B3GALT2: variants seen among roughly 807,000 people sequenced by gnomAD.
The protein encoded by B3GALT2 is beta-1,3-galactosyltransferase 2.
In B3GALT2, 13 loss-of-function variants were observed where a neutral mutation model predicts 33.5. The observed-to-expected ratio is 0.39, with a 90% CI of 0.25 to 0.62. The LOEUF is 0.62. Among genes scored for constraint, B3GALT2 ranks in the 20% least tolerant of loss-of-function variants. The pLI is 0.53. For synonymous variants in B3GALT2, 195 were observed against 172.7 expected, an observed-to-expected ratio of 1.13 and a Z score of -1.01; for missense variants, 418 against 509.1, an observed-to-expected ratio of 0.82 and a Z score of 1.72.
Position 193,180,830 on chromosome 1 carries a change from T to G in B3GALT2, c.733A>C (p.Ile245Leu). ...MNWVATYCPH[I>L]PYVMKTDSDM... ...CTGTCAGTTTTCATAACATATGGAA[T>G]ATGTGGACAGTATGTTGCAACCCAG... Residue 245 changes from isoleucine to leucine, a missense_variant, in exon 2 of 2, where the codon ATT (isoleucine) becomes CTT (leucine). Transcript: ENST00000367434. The G allele has an allele frequency of 3.1e-6, 5 of 1,614,068 alleles. No individual in the cohort carries two copies. Among genetic ancestry groups the G allele is most frequent in the Non-Finnish European group, 4.2e-6 (5 of 1,179,954 alleles).
intron 1 of B3GALT2, among the ~76,000 whole-genome samples, chr1:193,182,206 T>C (rs1207200302): frequency 6.6e-6 from 1 of 152,150 alleles, no homozygotes; most frequent in African/African-American, 2.4e-5. Context: ...CTTGGCATGT[T>C]TCCATTGGCC....
At position 193,180,494 on chromosome 1, in the gene B3GALT2, G is replaced by T. The variant is rs1478218728; in HGVS notation, c.1069C>A (p.Pro357Thr). ...TTGAACACAAACTCATTGGGAGGGG[G>T]TACAGGATCAATTCTCAACTTGGCA... is the stretch of plus-strand genomic sequence containing the variant. The part of the protein sequence containing the change: ...CLAKLRIDPV[P>T]PPNEFVFNHW... Residue 357 changes from proline (P) to threonine (T), a missense_variant, in exon 2 of 2, where the codon CCC becomes ACC. Coordinates refer to ENST00000367434, the MANE Select transcript of B3GALT2 (RefSeq NM_003783.3). 1.2e-6 allele frequency: 2 copies of T among 1,613,850 alleles called. No individual in the cohort carries two copies. The highest frequency in any genetic ancestry group is 2.7e-5 in the African/African-American group (2 of 74,896).
chr1:193,181,002 T>G lies in B3GALT2; in HGVS notation c.561A>C (p.Arg187Ser). 6.2e-7 allele frequency: 1 copy of G among 1,613,690 alleles called. No individual in the cohort carries two copies. Among genetic ancestry groups the G allele is most frequent in the Non-Finnish European group, 8.5e-7 (1 of 1,179,968 alleles). ...ESLAPGIQIT[R>S]IFLLGLSIKL... ...TAATACTTAAGCCCAACAAAAATAT[T>G]CTTGTGATTTGAATACCAGGTGCTA... is the stretch of plus-strand genomic sequence containing the variant. The change falls in exon 2 of 2, where the codon AGA becomes AGC. Residue 187 changes from arginine to serine, a missense_variant. Arg to Ser is a moderately radical substitution (Grantham distance 110, BLOSUM62 -1). Transcript: ENST00000367434.
Position 193,180,682 on chromosome 1 carries a change from C to A in B3GALT2, c.881G>T (p.Ser294Ile). The change falls in exon 2 of 2, where the codon AGC becomes ATC. Residue 294 changes from serine (S) to isoleucine (I), a missense_variant. Ser to Ile is a moderately radical substitution (Grantham distance 142). This residue lies in a region of B3GALT2 where 226 missense variants were observed against 293.9 expected (regional missense o/e 0.77). Transcript: ENST00000367434. ...RGYAPNRNKD[S>I]KWYMPPDLYP... ...GAGGTCTGGTGGCATGTACCACTTG[C>A]TATCTTTGTTTCGATTGGGTGCATA... The A allele has an allele frequency of 6.2e-7, 1 of 1,614,002 alleles. No individual in the cohort carries two copies. The highest frequency in any genetic ancestry group is 8.5e-7 in the Non-Finnish European group (1 of 1,179,920).
rs1156762690 is a variant in B3GALT2, at chr1:193,178,786, A to C, written c.*1508T>G. The stretch of plus-strand genomic sequence containing the variant: ...AGGCTACTGATTTGAAATGGAGATA[A>C]GCACTTAAACAGTTTTAGTGTTTTC... On this transcript the variant is annotated 3_prime_UTR_variant, in exon 2 of 2. Coordinates refer to ENST00000367434, the MANE Select transcript of B3GALT2 (RefSeq NM_003783.3). 1.3e-5 allele frequency among the ~76,000 whole-genome samples: 2 copies of C among 152,192 alleles called. No homozygotes were observed. Among genetic ancestry groups the C allele is most frequent in the Non-Finnish European group, 2.9e-5 (2 of 68,014 alleles).
At position 193,181,610 on chromosome 1, in the gene B3GALT2, G is replaced by A. The variant is rs1676718192; in HGVS notation, c.-48C>T. ...ATATGAGAGATTGGTGACCAAAAAT[G>A]TTTTCTTCTCCTTAATACTATTCTT... On this transcript the variant is annotated 5_prime_UTR_variant, in exon 2 of 2. Transcript: ENST00000367434. The A allele has an allele frequency of 6.8e-7, 1 of 1,473,862 alleles. No homozygotes were observed. Among genetic ancestry groups the A allele is most frequent in the African/African-American group, 1.4e-5 (1 of 70,648 alleles). 91.3% of individuals were successfully genotyped at this position (1,473,862 alleles called of 1,614,324 possible).
At chr1:193,183,584 G>C (rs966772884) in intron 1 of B3GALT2, among the ~76,000 whole-genome samples, 1 of 150,890 alleles carries the variant, frequency 6.6e-6, no homozygotes, top group African/African-American at 2.4e-5. Context: ...TTTCCTTCTT[G>C]TACTTTTAAA....
Position 193,180,109 on chromosome 1 carries a change from A to C in B3GALT2, c.*185T>G, listed in dbSNP as rs564242127. ...TTTTTTAAATAGATTGTTTTGGGAA[A>C]CCTTTTTTGTTATATAATGTTATAG... On this transcript the variant is annotated 3_prime_UTR_variant, in exon 2 of 2. Coordinates refer to ENST00000367434, the MANE Select transcript of B3GALT2 (RefSeq NM_003783.3). 7 of 499,952 alleles carry C rather than the reference A, an allele frequency of 1.4e-5. No individual in the cohort carries two copies. In the African/African-American group the frequency reaches 1.4e-4, roughly 10 times the overall value. 31.0% of individuals were successfully genotyped at this position (499,952 alleles called of 1,614,324 possible).
At chr1:193,182,686 T>TAAGA (rs1422753900) in intron 1 of B3GALT2, among the ~76,000 whole-genome samples, 2 of 152,160 alleles carry the variant, frequency 1.3e-5, no homozygotes, top group African/African-American at 4.8e-5. Flanking sequence ...TGGCATATAT[T>TAAGA]AAGAACTGGT....
chr1:193,181,770 G>A (rs1303589624), intron 1 of B3GALT2, 88 bp from the exon 2 acceptor site: 1 of 450,248 alleles, frequency 2.2e-6, no homozygotes, highest in Non-Finnish European at 3.9e-6. Context: ...AATGTCTTAA[G>A]CTGTGAAAAT....
At chr1:193,183,423 A>G (rs114680813) in intron 1 of B3GALT2, among the ~76,000 whole-genome samples, 32 of 148,710 alleles carry the variant, frequency 2.2e-4, no homozygotes, top group Non-Finnish European at 1.2e-4. Flanking sequence ...ATCATCTAGT[A>G]TGCTATTTGT....
In B3GALT2 at chr1:193,181,323, C is replaced by G; in HGVS notation, c.240G>C (p.Arg80=). 1.2e-6 allele frequency: 2 copies of G among 1,613,996 alleles called. No homozygotes were observed. Among genetic ancestry groups the G allele is most frequent in the East Asian group, 2.2e-5 (1 of 44,878 alleles). The change falls in exon 2 of 2, where the codon CGG becomes CGC. Residue 80 remains arginine, a synonymous_variant. Coordinates refer to ENST00000367434, the MANE Select transcript of B3GALT2 (RefSeq NM_003783.3). ...GAGGGACTGTTTCTTTCCAAATGTT[C>G]CGAAGGGAGCTGTGGTTTGTCTCAC... ...TKSETNHSSL[R]NIWKETVPQT... is the part of the protein sequence containing the mutation.
chr1:193,181,050 C>T lies in B3GALT2; in HGVS notation c.513G>A (p.Arg171=). Residue 171 remains arginine, a synonymous_variant, in exon 2 of 2, where the codon CGG becomes CGA. Coordinates refer to ENST00000367434, the MANE Select transcript of B3GALT2 (RefSeq NM_003783.3). ...CTAGACTTTCATTGCCCCAAGTTTG[C>T]CGAATAGCTCTTCTAGCTTCTATTT... is the stretch of plus-strand genomic sequence containing the variant. ...PGQIEARRAI[R]QTWGNESLAP... is the part of the protein sequence containing the mutation. 5 of 1,613,824 alleles carry T rather than the reference C, an allele frequency of 3.1e-6. No individual in the cohort carries two copies. The highest frequency in any genetic ancestry group is 4.2e-6 in the Non-Finnish European group (5 of 1,179,946).
Position 193,181,402 on chromosome 1 carries a change from C to T in B3GALT2, c.161G>A (p.Gly54Glu). 1.2e-6 allele frequency: 2 copies of T among 1,613,954 alleles called. No individual in the cohort carries two copies. The highest frequency in any genetic ancestry group is 1.7e-6 in the Non-Finnish European group (2 of 1,179,896). ...GTATGTCACAGGGTTTTCTTTGAATCCAGCTCTGCCTGGCAGCCAGTCATG... is the reference window on the plus strand; with the variant it reads ...GTATGTCACAGGGTTTTCTTTGAATTCAGCTCTGCCTGGCAGCCAGTCATG... The part of the protein sequence containing the change: ...NHHDWLPGRA[G>E]FKENPVTYTF... The change falls in exon 2 of 2, where the codon GGA becomes GAA. Residue 54 changes from glycine to glutamate, a missense_variant. By Grantham distance (98) the Gly-to-Glu change is moderately conservative. Around this residue, in one of 3 missense-constraint regions of B3GALT2, gnomAD observed 188 missense variants for 197.5 expected, o/e 0.95. Coordinates refer to ENST00000367434, the MANE Select transcript of B3GALT2 (RefSeq NM_003783.3).
In B3GALT2 at chr1:193,179,162, G is replaced by A. The variant is rs903178686; in HGVS notation, c.*1132C>T. ...AGTTTTCCCCATCCCTCCCAAAAAG[G>A]TTTTTAATTGGTGATTCAGAATATT... On this transcript the variant is annotated 3_prime_UTR_variant, in exon 2 of 2. Coordinates refer to ENST00000367434, the MANE Select transcript of B3GALT2 (RefSeq NM_003783.3). The A allele has an allele frequency of 1.3e-5, 2 of 152,036 alleles. No homozygotes were observed. The highest frequency in any genetic ancestry group is 2.9e-5 in the Non-Finnish European group (2 of 67,994). 9.4% of individuals were successfully genotyped at this position (152,036 alleles called of 1,614,324 possible).
In B3GALT2 at chr1:193,179,473, A is replaced by G. The variant is rs1485320062; in HGVS notation, c.*821T>C. Reference sequence around the variant, plus strand: ...CGAAGTTAGATATACATGAAATTAAATGGTGGTGCTGTTTAAGAGTGCAGT... The same window carrying G: ...CGAAGTTAGATATACATGAAATTAAGTGGTGGTGCTGTTTAAGAGTGCAGT... On this transcript the variant is annotated 3_prime_UTR_variant, in exon 2 of 2. Coordinates refer to ENST00000367434, the MANE Select transcript of B3GALT2 (RefSeq NM_003783.3). The G allele has an allele frequency of 2.6e-5, 4 of 152,658 alleles. No individual in the cohort carries two copies. Among genetic ancestry groups the G allele is most frequent in the African/African-American group, 9.6e-5 (4 of 41,460 alleles). The allele number at this position is 152,658 out of a possible 1,614,324, so 9.5% of individuals were successfully genotyped here.
chr1:193,183,372 A>T (rs1676752001), intron 1 of B3GALT2, among the ~76,000 whole-genome samples: 1 of 150,074 alleles, frequency 6.7e-6, no homozygotes, highest in Non-Finnish European at 1.5e-5. Context: ...GCATTTTGAA[A>T]GATGTGAACA....
intron 1 of B3GALT2, among the ~76,000 whole-genome samples, chr1:193,182,955 A>G (rs1676742588): frequency 6.6e-6 from 1 of 152,188 alleles, no homozygotes; most frequent in South Asian, 2.1e-4. Context: ...AAAAGTTTTA[A>G]TACAGGAGCA....
Position 193,181,426 on chromosome 1 carries a change from T to C in B3GALT2, c.137A>G (p.His46Arg), listed in dbSNP as rs773487626. ...TCCAGCTCTGCCTGGCAGCCAGTCA[T>C]GATGATTGAAAAACAAAAACATAGC... Reference protein sequence around the residue: ...LFAMFLFFNHHDWLPGRAGFK... With the variant: ...LFAMFLFFNHRDWLPGRAGFK... The change falls in exon 2 of 2, where the codon CAT (histidine) becomes CGT (arginine). Residue 46 changes from histidine to arginine, a missense_variant. Physicochemically the swap from His to Arg is conservative, Grantham distance 29. Around this residue, in one of 3 missense-constraint regions of B3GALT2, gnomAD observed 188 missense variants for 197.5 expected, o/e 0.95. Transcript: ENST00000367434. 13 of 1,614,050 alleles carry C rather than the reference T, an allele frequency of 8.1e-6. No individual in the cohort carries two copies. Among genetic ancestry groups the C allele is most frequent in the Non-Finnish European group, 1.1e-5 (13 of 1,179,944 alleles).
Sources: allele counts gnomAD v4.1 joint callset (sites outside exome capture counted in the v4.1 genomes callset), GRCh38; gene constraint gnomAD v4.1.1; regional missense constraint gnomAD v4.1.1; transcripts MANE v1.5; gene names NCBI Gene and HGNC (gene_info 2026-07-23, HGNC 2026-07-21).